Variants in CYFIP1 observed in about 807,000 individuals in gnomAD.
The protein encoded by CYFIP1 is cytoplasmic FMR1 interacting protein 1.
A neutral mutation model predicts 163.5 loss-of-function variants in CYFIP1; 58 were observed. The ratio of observed to expected loss-of-function variants is 0.35; its 90% CI spans 0.29 to 0.44. CYFIP1 has a LOEUF of 0.44. CYFIP1 is among the 20% of genes least tolerant of loss of function. The pLI, the probability that CYFIP1 is intolerant of heterozygous loss-of-function variation, is 1.00. For missense variants in CYFIP1, 1,338 were observed against 1,653.8 expected (o/e 0.81, Z 3.31); for synonymous variants, 663 against 660.7 (o/e 1.00, Z -0.05).
intron 1 of CYFIP1, among the ~76,000 whole-genome samples, chr15:22,977,805 T>C (rs2063327800): frequency 6.6e-6 from 1 of 152,038 alleles, no homozygotes; most frequent in Non-Finnish European, 1.5e-5. Flanking sequence ...CACTCCAGCC[T>C]GGGCAACAAG....
chr15:22,874,893 C>T (rs555770183), intron 27 of CYFIP1, among the ~76,000 whole-genome samples: 2 of 152,232 alleles, frequency 1.3e-5, no homozygotes, highest in South Asian at 2.1e-4. Flanking sequence ...GAAAATGGCA[C>T]AATGAGCCTG....
At chr15:22,946,771 A>T (rs1459412009) in intron 3 of CYFIP1, 2 of 672,194 alleles carry the variant, frequency 3.0e-6, no homozygotes, top group Admixed American at 4.1e-5. Context: ...TGCACCCTTG[A>T]AACGCTGACA....
At chr15:22,952,245 GGTGTTTA>G in intron 1 of CYFIP1, among the ~76,000 whole-genome samples, 1 of 152,058 alleles carries the variant, frequency 6.6e-6, no homozygotes, top group Admixed American at 6.5e-5. Context: ...CTGGGGAGTT[GGTGTTTA>G]GTGGATACAG....
chr15:22,914,783 G>A lies in CYFIP1; in HGVS notation c.1928C>T (p.Ser643Leu), dbSNP rs2142089350. Reference protein sequence around the residue: ...GRRIQFPIEMSMPWILTDHIL... With the variant: ...GRRIQFPIEMLMPWILTDHIL... ...GTGGTCCGTCAGGATCCAGGGCATC[G>A]ACATCTCAATGGGGAACTGGATCCT... Residue 643 changes from serine to leucine, a missense_variant, in exon 17 of 31, where the codon TCG becomes TTG. Ser to Leu is a moderately radical substitution (Grantham distance 145). This residue lies in a region of CYFIP1 where 824 missense variants were observed against 995.7 expected (regional missense o/e 0.83). Transcript: ENST00000617928. The A allele has an allele frequency of 1.9e-6, 3 of 1,613,854 alleles. No homozygotes were observed. Among genetic ancestry groups the A allele is most frequent in the Non-Finnish European group, 2.5e-6 (3 of 1,179,908 alleles).
intron 26 of CYFIP1, among the ~76,000 whole-genome samples, chr15:22,879,684 G>A (rs1177005359): frequency 3.3e-5 from 5 of 149,600 alleles, no homozygotes; most frequent in East Asian, 3.9e-4. Flanking sequence ...GTTTTATGAC[G>A]TTAACACAGA....
At chr15:22,928,154 G>A in intron 11 of CYFIP1, 126 bp from the exon 12 acceptor site, 1 of 1,195,028 alleles carries the variant, frequency 8.4e-7, no homozygotes, top group Non-Finnish European at 1.1e-6. Flanking sequence ...AGGAGGCCAA[G>A]GCGGGCGGAT....
chr15:22,969,938 T>C (rs996236655), intron 1 of CYFIP1, among the ~76,000 whole-genome samples: 8 of 152,178 alleles, frequency 5.3e-5, no homozygotes, highest in African/African-American at 1.2e-4. Flanking sequence ...AGGTAGTCCC[T>C]CTGTGCCTCA....
At chr15:22,926,467 T>A (rs1024993110) in intron 12 of CYFIP1, among the ~76,000 whole-genome samples, 2 of 151,574 alleles carry the variant, frequency 1.3e-5, no homozygotes, top group African/African-American at 4.9e-5. Flanking sequence ...AGCCCAAGAG[T>A]TCAAGATCAG....
rs560583682 is a variant in CYFIP1 at position 22,879,085 on chromosome 15, A to G, written c.3042+828T>C. 3.5e-3 allele frequency among the ~76,000 whole-genome samples: 538 copies of G among 151,832 alleles called. 3 individuals carry two copies. Among genetic ancestry groups the G allele is most frequent in the African/African-American group, 0.012 (510 of 41,372 alleles). On this transcript the variant is annotated intron_variant, in intron 26 of 30. Coordinates refer to ENST00000617928, the MANE Select transcript of CYFIP1 (RefSeq NM_014608.6). ...CGGGAGGCGGAGCTTGCAGTGAGCCAACATCACGCCACTGCACTCCAGCCG... is the reference window on the plus strand; with the variant it reads ...CGGGAGGCGGAGCTTGCAGTGAGCCGACATCACGCCACTGCACTCCAGCCG...
At position 22,892,926 on chromosome 15, in the gene CYFIP1, C is replaced by T. The variant is rs758993039; in HGVS notation, c.2640G>A (p.Gln880=). The T allele has an allele frequency of 1.9e-6, 3 of 1,613,846 alleles. 1 individual carries two copies. In the South Asian group the frequency reaches 3.3e-5, roughly 18 times the overall value. ...PFSQEFQRDK[Q]PNAQPQYLHG... ...GCAGATACTGAGGCTGTGCATTAGG[C>T]TGCTTATCTCTTTGAAATTCCTGAG... Residue 880 remains glutamine, a synonymous_variant, in exon 23 of 31, where the codon CAG becomes CAA. Transcript: ENST00000617928.
At chr15:22,922,901 A>G (rs1343625871) in intron 13 of CYFIP1, among the ~76,000 whole-genome samples, 2 of 152,040 alleles carry the variant, frequency 1.3e-5, no homozygotes, top group Non-Finnish European at 2.9e-5. Flanking sequence ...CTGAAGCAGG[A>G]GAATTGCTTG....
intron 22 of CYFIP1, 60 bp downstream of exon 22, chr15:22,903,646 G>A: frequency 1.3e-6 from 2 of 1,563,706 alleles, no homozygotes; most frequent in Non-Finnish European, 1.8e-6. Flanking sequence ...GAGGAAGCCT[G>A]CGGGGACATG....
At chr15:22,900,038 C>T (rs542413824) in intron 22 of CYFIP1, among the ~76,000 whole-genome samples, 5 of 152,102 alleles carry the variant, frequency 3.3e-5, no homozygotes, top group East Asian at 1.9e-4. Context: ...AACGAGACTC[C>T]GTCGAAAAAG....
chr15:22,900,932 G>A (rs2060375550), intron 22 of CYFIP1, among the ~76,000 whole-genome samples: 1 of 151,898 alleles, frequency 6.6e-6, no homozygotes. Context: ...GCTGGGCACG[G>A]TGGCTCATAC....
At chr15:22,891,499 C>G (rs978243620) in intron 23 of CYFIP1, among the ~76,000 whole-genome samples, 6 of 152,206 alleles carry the variant, frequency 3.9e-5, no homozygotes, top group African/African-American at 1.4e-4. Context: ...CCACGTGGGC[C>G]CCGTTTCCCG....
chr15:22,918,970 C>T (rs1261937593), intron 13 of CYFIP1, 112 bp from the exon 14 acceptor site: 3 of 822,956 alleles, frequency 3.6e-6, no homozygotes, highest in Non-Finnish European at 3.8e-6. Flanking sequence ...TTACGCCCTC[C>T]CGCGTTCGTG....
At chr15:22,975,871 G>A (rs992518138) in intron 1 of CYFIP1, among the ~76,000 whole-genome samples, 1 of 152,046 alleles carries the variant, frequency 6.6e-6, no homozygotes, top group Non-Finnish European at 1.5e-5. Context: ...TATAAAGTAG[G>A]TATATTATAC....
chr15:22,976,080 T>C (rs1460335597), intron 1 of CYFIP1, among the ~76,000 whole-genome samples: 2 of 152,216 alleles, frequency 1.3e-5, no homozygotes, highest in Non-Finnish European at 2.9e-5. Flanking sequence ...AGCATACAGA[T>C]CCTGTAAGTC....
At chr15:22,886,142 C>T (rs539944865) in intron 23 of CYFIP1, among the ~76,000 whole-genome samples, 21 of 152,230 alleles carry the variant, frequency 1.4e-4, no homozygotes, top group Admixed American at 8.5e-4. Context: ...CATCAGATCT[C>T]GTGAGAACTC....
Sources: allele counts gnomAD v4.1 joint callset (sites outside exome capture counted in the v4.1 genomes callset), GRCh38; gene constraint gnomAD v4.1.1; regional missense constraint gnomAD v4.1.1; transcripts MANE v1.5; gene names NCBI Gene and HGNC (gene_info 2026-07-23, HGNC 2026-07-21).